The following GRIP1 variants were observed in gnomAD, a reference collection of about 807,000 sequenced individuals.
GRIP1 encodes the protein glutamate receptor-interacting protein 1.
Under a neutral mutation model 129.9 loss-of-function variants are expected in GRIP1, and 45 were observed. The ratio of observed to expected loss-of-function variants is 0.35; its 90% CI spans 0.27 to 0.44. The LOEUF is 0.44. GRIP1 is among the 20% of genes least tolerant of loss of function. GRIP1 has a pLI of 1.00. For synonymous variants in GRIP1, 530 were observed against 520.8 expected (o/e 1.02, Z -0.24); for missense variants, 1,196 against 1,396.8 (o/e 0.86, Z 2.29).
At chr12:66,948,240 A>T (rs904009738) in intron 1 of GRIP1, among the ~76,000 whole-genome samples, 1 of 152,186 alleles carries the variant, frequency 6.6e-6, no homozygotes, top group East Asian at 1.9e-4. Flanking sequence ...CTTCTGGAGG[A>T]GCATGGACTT....
chr12:66,379,562 T>G (rs2137382473), intron 19 of GRIP1, 126 bp from the exon 20 acceptor site: 1 of 950,846 alleles, frequency 1.1e-6, no homozygotes, highest in Non-Finnish European at 1.7e-6. Flanking sequence ...GAACACATAG[T>G]GTGTGCTTAT....
At chr12:66,415,805 A>T (rs1192143132) in intron 15 of GRIP1, among the ~76,000 whole-genome samples, 2 of 152,190 alleles carry the variant, frequency 1.3e-5, no homozygotes, top group African/African-American at 2.4e-5. Flanking sequence ...TATCCTCAGC[A>T]AACTAACACA....
At chr12:67,036,741 G>A (rs1009402950) in intron 1 of GRIP1, among the ~76,000 whole-genome samples, 7 of 152,014 alleles carry the variant, frequency 4.6e-5, no homozygotes. Context: ...TCCTCTGGCA[G>A]CTTCAAATTA....
At chr12:66,714,186 T>G (rs2035797804) in intron 1 of GRIP1, among the ~76,000 whole-genome samples, 1 of 152,078 alleles carries the variant, frequency 6.6e-6, no homozygotes, top group South Asian at 2.1e-4. Context: ...GATTTCAGTT[T>G]GGTCTGATTT....
chr12:66,420,336 A>G (rs923038603), intron 15 of GRIP1, among the ~76,000 whole-genome samples: 4 of 151,568 alleles, frequency 2.6e-5, no homozygotes, highest in East Asian at 3.9e-4. Context: ...CCCAGAGGGG[A>G]TATTCTGGTA....
intron 1 of GRIP1, among the ~76,000 whole-genome samples, chr12:66,665,653 T>C (rs1359278959): frequency 3.9e-5 from 6 of 152,194 alleles, no homozygotes; most frequent in Admixed American, 6.6e-5. Context: ...AATTACCACA[T>C]GTATTTATGC....
intron 1 of GRIP1, among the ~76,000 whole-genome samples, chr12:66,937,519 T>C (rs1224912187): frequency 1.3e-5 from 2 of 152,130 alleles, no homozygotes; most frequent in East Asian, 1.9e-4. Flanking sequence ...ACAATTTAAT[T>C]AAGTAATACA....
intron 1 of GRIP1, among the ~76,000 whole-genome samples, chr12:67,000,026 G>A (rs943535984): frequency 6.6e-6 from 1 of 151,990 alleles, no homozygotes; most frequent in Non-Finnish European, 1.5e-5. Flanking sequence ...CAAAATCTTT[G>A]CTACAGCTCA....
intron 7 of GRIP1, among the ~76,000 whole-genome samples, chr12:66,511,279 A>T (rs531450414): frequency 1.3e-5 from 2 of 152,180 alleles, no homozygotes; most frequent in South Asian, 4.2e-4. Flanking sequence ...TGGAACTGTG[A>T]GTCCGTTAAA....
In GRIP1 at chr12:66,350,197, C is replaced by T. The variant is rs1443437447; in HGVS notation, c.3160-951G>A. On this transcript the variant is annotated intron_variant, in intron 24 of 24. Transcript: ENST00000359742. ...TTTCCTGCCTTTATTTCTTCCTGTC[C>T]TTTACATTTGGTTATTGTGGCCAGG... is the stretch of plus-strand genomic sequence containing the variant. 3.3e-5 allele frequency among the ~76,000 whole-genome samples: 5 copies of T among 152,050 alleles called. No homozygotes were observed. The East Asian group carries it at 9.7e-4, about 30-fold the overall frequency.
chr12:66,875,006 A>G (rs1443295296), intron 1 of GRIP1, among the ~76,000 whole-genome samples: 1 of 152,094 alleles, frequency 6.6e-6, no homozygotes, highest in Non-Finnish European at 1.5e-5. Context: ...ACCCATCAGA[A>G]TTGGTAGTAA....
intron 23 of GRIP1, among the ~76,000 whole-genome samples, chr12:66,356,996 C>G (rs1458645950): frequency 6.6e-6 from 1 of 152,146 alleles, no homozygotes; most frequent in African/African-American, 2.4e-5. Context: ...CCTATCTCAG[C>G]CACCTGAGTA....
At chr12:66,425,834 AG>A (rs1310758075) in intron 14 of GRIP1, among the ~76,000 whole-genome samples, 2 of 134,142 alleles carry the variant, frequency 1.5e-5, no homozygotes, top group Non-Finnish European at 3.2e-5. Flanking sequence ...GGGTGGGGGA[AG>A]GGGGGAGGGA....
chr12:66,949,581 G>A (rs1164736101), intron 1 of GRIP1, among the ~76,000 whole-genome samples: 2 of 152,042 alleles, frequency 1.3e-5, no homozygotes, highest in Admixed American at 1.3e-4. Flanking sequence ...CTAGAAGAAT[G>A]ATTTGTCTTA....
At chr12:66,374,624 T>C (rs1442392032) in intron 22 of GRIP1, among the ~76,000 whole-genome samples, 2 of 152,246 alleles carry the variant, frequency 1.3e-5, no homozygotes, top group African/African-American at 4.8e-5. Flanking sequence ...TATTCATTTT[T>C]CATGAGAATG....
intron 1 of GRIP1, among the ~76,000 whole-genome samples, chr12:66,925,243 C>T (rs952838546): frequency 1.3e-5 from 2 of 152,182 alleles, no homozygotes; most frequent in African/African-American, 4.8e-5. Flanking sequence ...TACATACACA[C>T]TCATGCCCAG....
chr12:66,858,407 C>G (rs995769964), intron 1 of GRIP1, among the ~76,000 whole-genome samples: 1 of 151,768 alleles, frequency 6.6e-6, no homozygotes, highest in Non-Finnish European at 1.5e-5. Flanking sequence ...TATGATATAT[C>G]CTGGAACTAC....
intron 24 of GRIP1, 38 bp from the exon 25 acceptor site, chr12:66,349,284 T>A: frequency 6.7e-7 from 1 of 1,493,246 alleles, no homozygotes; most frequent in Non-Finnish European, 9.3e-7. Context: ...ATTATCGTTG[T>A]AACCATAATT....
intron 1 of GRIP1, among the ~76,000 whole-genome samples, chr12:66,789,238 C>G (rs2038452028): frequency 6.6e-6 from 1 of 152,100 alleles, no homozygotes; most frequent in Non-Finnish European, 1.5e-5. Flanking sequence ...GTTCTAGGCA[C>G]AGGAGAATTA....
Sources: allele counts gnomAD v4.1 joint callset (sites outside exome capture counted in the v4.1 genomes callset), GRCh38; gene constraint gnomAD v4.1.1; transcripts MANE v1.5; gene names NCBI Gene and HGNC (gene_info 2026-07-23, HGNC 2026-07-21).